SHANK2: variants seen among roughly 807,000 people sequenced by gnomAD.
SHANK2 encodes the protein SH3 and multiple ankyrin repeat domains protein 2.
In SHANK2, 43 loss-of-function variants were observed where a neutral mutation model predicts 133.7. That is an observed-to-expected ratio of 0.32 (90% CI 0.25 to 0.41). The LOEUF (loss-of-function observed/expected upper bound fraction) is 0.41, where lower values mean the gene tolerates loss of function less well. Among genes scored for constraint, SHANK2 ranks in the 10% least tolerant of loss-of-function variants. The pLI, the probability that SHANK2 is intolerant of heterozygous loss-of-function variation, is 1.00. For missense variants in SHANK2, 1,994 were observed against 2,235.8 expected, an observed-to-expected ratio of 0.89 and a Z score of 2.18; for synonymous variants, 1,017 against 952.8, an observed-to-expected ratio of 1.07 and a Z score of -1.24.
chr11:70,843,273 T>A (rs1349112642), intron 11 of SHANK2, among the ~76,000 whole-genome samples: 17 of 5,256 alleles, frequency 3.2e-3, no homozygotes, highest in Non-Finnish European at 5.1e-3. Flanking sequence ...TGGGCTGCTA[T>A]GGGGTGGGCT....
At chr11:71,161,222 G>T (rs1342480811) in intron 2 of SHANK2, among the ~76,000 whole-genome samples, 2 of 152,194 alleles carry the variant, frequency 1.3e-5, no homozygotes, top group Non-Finnish European at 2.9e-5. Flanking sequence ...ACTCTTTGTA[G>T]CAATAAGATA....
At chr11:70,837,853 C>T (rs1161764897) in intron 11 of SHANK2, among the ~76,000 whole-genome samples, 1 of 151,504 alleles carries the variant, frequency 6.6e-6, no homozygotes, top group East Asian at 1.9e-4. Context: ...GTGTGCCTGT[C>T]ATCCCAGCTA....
chr11:70,780,410 T>G (rs1947455613), intron 14 of SHANK2, among the ~76,000 whole-genome samples: 1 of 152,138 alleles, frequency 6.6e-6, no homozygotes, highest in Admixed American at 6.5e-5. Context: ...CTCTGAAAAA[T>G]AGAGGCCTGG....
chr11:70,789,802 T>C (rs1947750137), intron 14 of SHANK2, among the ~76,000 whole-genome samples: 1 of 152,216 alleles, frequency 6.6e-6, no homozygotes, highest in Admixed American at 6.5e-5. Context: ...TACCTGTCTC[T>C]GGAGGATGGA....
chr11:70,568,637 CGGATT>C (rs2059998728), intron 17 of SHANK2, among the ~76,000 whole-genome samples: 1 of 97,160 alleles, frequency 1.0e-5, no homozygotes, highest in Non-Finnish European at 2.2e-5. Flanking sequence ...ATGTGGGCAG[CGGATT>C]CCTGCCCCCC....
At chr11:70,577,759 G>A (rs1019694176) in intron 17 of SHANK2, among the ~76,000 whole-genome samples, 1 of 152,170 alleles carries the variant, frequency 6.6e-6, no homozygotes, top group Non-Finnish European at 1.5e-5. Flanking sequence ...TAAACTGTGG[G>A]TCACCATTCC....
intron 11 of SHANK2, among the ~76,000 whole-genome samples, chr11:70,856,421 G>C (rs2135485768): frequency 6.6e-6 from 1 of 151,990 alleles, no homozygotes; most frequent in South Asian, 2.1e-4. Flanking sequence ...TGGGTAGATG[G>C]ATGGATGGAT....
chr11:70,518,968 G>A (rs1001969778), intron 17 of SHANK2, among the ~76,000 whole-genome samples: 3 of 152,132 alleles, frequency 2.0e-5, no homozygotes, highest in East Asian at 1.9e-4. Context: ...GGAGTGCAGC[G>A]GCATGATCTT....
chr11:70,492,581 T>C, intron 21 of SHANK2, 116 bp from the exon 22 acceptor site: 1 of 1,360,178 alleles, frequency 7.4e-7, no homozygotes, highest in Non-Finnish European at 1.0e-6. Context: ...CAGGGGGCAT[T>C]TGTTGCTGCT....
chr11:70,489,811 C>CAGTA (rs1359886457), intron 23 of SHANK2: 2 of 268,428 alleles, frequency 7.5e-6, no homozygotes, highest in African/African-American at 5.1e-5. Context: ...CTGCAACACA[C>CAGTA]AGTACATTAT....
chr11:70,548,199 G>T (rs532191805), intron 17 of SHANK2, among the ~76,000 whole-genome samples: 2 of 152,262 alleles, frequency 1.3e-5, no homozygotes, highest in African/African-American at 2.4e-5. Flanking sequence ...GGAGCAGGCG[G>T]CTGCTCTCCC....
chr11:70,517,301 G>A (rs956404591), intron 17 of SHANK2, among the ~76,000 whole-genome samples: 1 of 152,218 alleles, frequency 6.6e-6, no homozygotes, highest in Non-Finnish European at 1.5e-5. Context: ...TTGGAAGACA[G>A]TTTGGCAGTT....
intron 10 of SHANK2, among the ~76,000 whole-genome samples, chr11:70,954,841 G>A (rs1371614989): frequency 6.6e-6 from 1 of 152,248 alleles, no homozygotes; most frequent in African/African-American, 2.4e-5. Context: ...GGTTAAGGAA[G>A]AACACGGGGT....
intron 17 of SHANK2, among the ~76,000 whole-genome samples, chr11:70,637,023 C>T (rs1254673140): frequency 1.3e-5 from 2 of 151,616 alleles, no homozygotes; most frequent in African/African-American, 4.9e-5. Flanking sequence ...AAGGGGTAAG[C>T]AGGGCCACAC....
Position 70,471,530 on chromosome 11 carries a change from G to T in SHANK2, c.*1339C>A. 2.5e-6 allele frequency: 1 copy of T among 397,620 alleles called. No homozygotes were observed. Among genetic ancestry groups the T allele is most frequent in the East Asian group, 3.6e-5 (1 of 28,066 alleles). The allele number at this position is 397,620 out of a possible 1,614,324, so 24.6% of individuals were successfully genotyped here. A position where few individuals can be genotyped will look rare whatever the true frequency, so the allele number is the denominator to read the frequency against. ...CAGAGAGGCTGACCTGGCAGCCCAG[G>T]AGACCTCCCTGCTTTCCTCTCCTCA... On this transcript the variant is annotated 3_prime_UTR_variant, in exon 26 of 26. Transcript: ENST00000601538. The surrounding 1 kb of genome is among the most constrained non-coding windows in gnomAD (Gnocchi z 4.1).
intron 17 of SHANK2, among the ~76,000 whole-genome samples, chr11:70,636,326 T>C (rs1410475754): frequency 6.6e-6 from 1 of 152,014 alleles, no homozygotes; most frequent in Non-Finnish European, 1.5e-5. Flanking sequence ...CGTGTGAATG[T>C]TAGCATGTGT....
At chr11:70,515,658 A>AC (rs1642617646) in intron 17 of SHANK2, among the ~76,000 whole-genome samples, 1 of 150,990 alleles carries the variant, frequency 6.6e-6, no homozygotes, top group Admixed American at 6.6e-5. Flanking sequence ...AAAAAAAAAA[A>AC]AACATTTAAA....
intron 6 of SHANK2, among the ~76,000 whole-genome samples, chr11:71,104,622 C>T (rs1162467378): frequency 1.3e-5 from 2 of 152,178 alleles, no homozygotes; most frequent in African/African-American, 2.4e-5. Context: ...TGGAATTACC[C>T]GCAGCTTCCT....
chr11:71,217,862 G>A (rs1345976022), intron 2 of SHANK2, among the ~76,000 whole-genome samples: 1 of 152,064 alleles, frequency 6.6e-6, no homozygotes, highest in Non-Finnish European at 1.5e-5. Context: ...TTTTTTGTTT[G>A]TTTTTTGAGA....
Sources: gnomAD v4.1 joint callset for allele counts (sites outside exome capture counted in the v4.1 genomes callset) on GRCh38, gnomAD v4.1.1 for gene constraint, Gnocchi (gnomAD v3.1) non-coding constraint, MANE v1.5 for transcripts, NCBI Gene and HGNC (gene_info 2026-07-23, HGNC 2026-07-21) for gene names.